Variants in SALL2 observed in about 807,000 individuals in gnomAD.
SALL2 encodes spalt like transcription factor 2.
A neutral mutation model predicts 58.5 loss-of-function variants in SALL2; 32 were observed. That is an observed-to-expected ratio of 0.55 (90% CI 0.41 to 0.74). The LOEUF (loss-of-function observed/expected upper bound fraction) is 0.74. Ranked by LOEUF, SALL2 falls within the 30% of genes least tolerant of loss-of-function variation. The pLI is 0.00. For missense variants in SALL2, 1,201 were observed against 1,268.9 expected (o/e 0.95, Z 0.81); for synonymous variants, 516 against 513.6 (o/e 1.00, Z -0.06).
chr14:21,522,189 C>G lies in SALL2; in HGVS notation c.*515G>C. The G allele has an allele frequency of 6.3e-7, 1 of 1,597,660 alleles. No homozygotes were observed. Among genetic ancestry groups the G allele is most frequent in the Non-Finnish European group, 8.5e-7 (1 of 1,179,604 alleles). On this transcript the variant is annotated 3_prime_UTR_variant, in exon 2 of 2. Transcript: ENST00000537235. ...GCTTGGAGTGGTAGTGGAGGTGGAGCTGGAATTCCAGGGCTTCATGGGCAG... is the reference window on the plus strand; with the variant it reads ...GCTTGGAGTGGTAGTGGAGGTGGAGGTGGAATTCCAGGGCTTCATGGGCAG...
Position 21,524,130 on chromosome 14 carries a change from C to T in SALL2, c.1592G>A (p.Gly531Asp). The T allele has an allele frequency of 6.2e-7, 1 of 1,613,070 alleles. No homozygotes were observed. ...TTCTGCCACTCCACTGATGGCTGAG[C>T]CCTCACTCCCTGGGGGGGTGTTTTC... is the stretch of plus-strand genomic sequence containing the variant. ...ADENTPPGSE[G>D]SAISGVAESS... The change falls in exon 2 of 2, where the codon GGC (glycine) becomes GAC (aspartate). Residue 531 changes from glycine to aspartate, a missense_variant. Gly to Asp is a moderately conservative substitution (Grantham distance 94, BLOSUM62 -1). Around this residue, in one of 3 missense-constraint regions of SALL2, gnomAD observed 675 missense variants for 683.8 expected, o/e 0.99. Transcript: ENST00000537235.
In SALL2 at chr14:21,523,055, T is replaced by C. The variant is rs1892107948; in HGVS notation, c.2667A>G (p.Val889=). ...PEGEATSVTL[V]EELSLQEAMR... Reference sequence around the variant, plus strand: ...TTGCCTCCTGCAGGCTCAGCTCCTCTACCAAGGTCACGCTGGTGGCTTCCC... The same window carrying C: ...TTGCCTCCTGCAGGCTCAGCTCCTCCACCAAGGTCACGCTGGTGGCTTCCC... Residue 889 remains valine (V), a synonymous_variant, in exon 2 of 2, where the codon GTA becomes GTG. Coordinates refer to ENST00000537235, the MANE Select transcript of SALL2 (RefSeq NM_001364564.1). The surrounding 1 kb of genome is among the most constrained non-coding windows in gnomAD (Gnocchi z 4.4). The C allele has an allele frequency of 1.2e-6, 2 of 1,614,154 alleles. No individual in the cohort carries two copies. Among genetic ancestry groups the C allele is most frequent in the African/African-American group, 1.3e-5 (1 of 75,046 alleles).
Position 21,523,253 on chromosome 14 carries a change from C to T in SALL2, c.2469G>A (p.Met823Ile), listed in dbSNP as rs1430504510. 1 of 1,613,702 alleles carries T rather than the reference C, an allele frequency of 6.2e-7. No individual in the cohort carries two copies. The highest frequency in any genetic ancestry group is 8.5e-7 in the Non-Finnish European group (1 of 1,180,034). Residue 823 changes from methionine to isoleucine, a missense_variant, in exon 2 of 2, where the codon ATG (methionine) becomes ATA (isoleucine). Met to Ile is a conservative substitution (Grantham distance 10, BLOSUM62 1). This residue lies in a region of SALL2 where 675 missense variants were observed against 683.8 expected (regional missense o/e 0.99). Transcript: ENST00000537235. This position sits in a 1 kb window ranked among gnomAD's most constrained non-coding sequence, Gnocchi z 4.4. The stretch of plus-strand genomic sequence containing the variant: ...GTTGAGTAGTTTTCTCATTACTGTC[C>T]ATCTCCTTCCCAGCTGTGGCTGCTG... Reference protein sequence around the residue: ...VAAAATAGKEMDSNEKTTQQS... With the variant: ...VAAAATAGKEIDSNEKTTQQS...
chr14:21,535,859 G>C (rs948309607), intron 1 of SALL2, among the ~76,000 whole-genome samples: 1 of 152,176 alleles, frequency 6.6e-6, no homozygotes, highest in African/African-American at 2.4e-5. Context: ...TTGATCCTAA[G>C]AATTACCTGG....
chr14:21,525,946 G>A lies in SALL2; in HGVS notation c.67+115C>T. On this transcript the variant is annotated intron_variant, in intron 1 of 1. Coordinates refer to ENST00000537235, the MANE Select transcript of SALL2 (RefSeq NM_001364564.1). The surrounding 1 kb of genome is among the most constrained non-coding windows in gnomAD (Gnocchi z 4.4). ...AGCGAGTTCACGGAATAGGTGTGGG[G>A]ACAGGGGCCTACGCAGAGAATCATG... 9.5e-7 allele frequency: 1 copy of A among 1,053,488 alleles called. No homozygotes were observed. Among genetic ancestry groups the A allele is most frequent in the Non-Finnish European group, 1.4e-6 (1 of 712,454 alleles). 65.3% of individuals were successfully genotyped at this position (1,053,488 alleles called of 1,614,324 possible).
At chr14:21,530,449 C>T (rs932124980), upstream of SALL2, among the ~76,000 whole-genome samples, 2 of 151,924 alleles carry the variant, frequency 1.3e-5, no homozygotes, top group East Asian at 1.9e-4. Context: ...CCACCAAGCC[C>T]GGCTAATTTT....
upstream of SALL2, among the ~76,000 whole-genome samples, chr14:21,528,928 A>G (rs1214933194): frequency 2.0e-5 from 3 of 152,178 alleles, no homozygotes; most frequent in Non-Finnish European, 4.4e-5. Flanking sequence ...TGTTTTGTCA[A>G]GTCTTCTGAC....
chr14:21,522,841 G>T lies in SALL2; in HGVS notation c.2881C>A (p.His961Asn), dbSNP rs1253177331. 2 of 1,610,786 alleles carry T rather than the reference G, an allele frequency of 1.2e-6. No individual in the cohort carries two copies. The highest frequency in any genetic ancestry group is 1.7e-6 in the Non-Finnish European group (2 of 1,178,570). Residue 961 changes from histidine to asparagine, a missense_variant, in exon 2 of 2, where the codon CAC becomes AAC. By Grantham distance (68) the His-to-Asn change is moderately conservative. Transcript: ENST00000537235. Reference protein sequence around the residue: ...ATLKKHMLLAHHQVQPFAPHG... With the variant: ...ATLKKHMLLANHQVQPFAPHG... ...GGGGCAAAGGGCTGTACCTGGTGGT[G>T]TGCCAGGAGCATATGCTTCTTGAGG...
At chr14:21,528,996 C>T (rs1892393013), upstream of SALL2, among the ~76,000 whole-genome samples, 2 of 152,190 alleles carry the variant, frequency 1.3e-5, no homozygotes, top group Non-Finnish European at 2.9e-5. Flanking sequence ...CCCTTTCTTG[C>T]TCTTTAATGA....
chr14:21,536,643 A>C (rs1892604235), intron 1 of SALL2, among the ~76,000 whole-genome samples: 1 of 152,242 alleles, frequency 6.6e-6, no homozygotes, highest in East Asian at 1.9e-4. Flanking sequence ...CAAGGAAAAC[A>C]CAAACAGAAT....
chr14:21,524,160 G>T lies in SALL2; in HGVS notation c.1562C>A (p.Ala521Asp). The change falls in exon 2 of 2, where the codon GCT becomes GAT. Residue 521 changes from alanine (A) to aspartate (D), a missense_variant. Transcript: ENST00000537235. ...ACTCCCTGGGGGGGTGTTTTCATCA[G>T]CTTTATTCTTGGGTTCCACTGCTTT... ...LMKAVEPKNK[A>D]DENTPPGSEG... The T allele has an allele frequency of 1.2e-6, 2 of 1,612,556 alleles. No individual in the cohort carries two copies. Among genetic ancestry groups the T allele is most frequent in the South Asian group, 1.1e-5 (1 of 90,810 alleles).
At position 21,522,755 on chromosome 14, in the gene SALL2, G is replaced by C; in HGVS notation, c.2967C>G (p.Thr989=). Residue 989 remains threonine (T), a synonymous_variant, in exon 2 of 2, where the codon ACC becomes ACG. Transcript: ENST00000537235. Reference sequence around the variant, plus strand: ...GGGGAAAGGGGGAGAGCCCTGTGGAGGTGATGGAAGGCGAACAGCCAGGGA... The same window carrying C: ...GGGGAAAGGGGGAGAGCCCTGTGGACGTGATGGAAGGCGAACAGCCAGGGA... ...SLVPGCSPSI[T]STGLSPFPRK... 1 of 1,560,860 alleles carries C rather than the reference G, an allele frequency of 6.4e-7. No individual in the cohort carries two copies. The highest frequency in any genetic ancestry group is 2.2e-5 in the East Asian group (1 of 44,548).
At position 21,523,010 on chromosome 14, in the gene SALL2, C is replaced by T. The variant is rs61736009; in HGVS notation, c.2712G>A (p.Glu904=). The change falls in exon 2 of 2, where the codon GAG becomes GAA. Residue 904 remains glutamate, a synonymous_variant. Coordinates refer to ENST00000537235, the MANE Select transcript of SALL2 (RefSeq NM_001364564.1). This position sits in a 1 kb window ranked among gnomAD's most constrained non-coding sequence, Gnocchi z 4.4. ...LQEAMRKEPG[E]SSSRKACEVC... ...CTTCGCAGGCCTTTCTGCTGCTGCTCTCTCCTGGCTCCTTTCTCATTGCCT... is the reference window on the plus strand; with the variant it reads ...CTTCGCAGGCCTTTCTGCTGCTGCTTTCTCCTGGCTCCTTTCTCATTGCCT... The T allele has an allele frequency of 1.2e-6, 2 of 1,614,118 alleles. No homozygotes were observed. Among genetic ancestry groups the T allele is most frequent in the East Asian group, 2.2e-5 (1 of 44,876 alleles).
rs1425736727 is a variant in SALL2 at position 21,526,043 on chromosome 14, C to G, written c.67+18G>C. 6.5e-7 allele frequency: 1 copy of G among 1,533,934 alleles called. No individual in the cohort carries two copies. The highest frequency in any genetic ancestry group is 1.2e-5 in the South Asian group (1 of 83,980). ...CCTCCGCCCCCACCCCTGCCCAGCC[C>G]GACCGACCCTACCGCACCTCCGAGC... On this transcript the variant is annotated intron_variant, in intron 1 of 1. Coordinates refer to ENST00000537235, the MANE Select transcript of SALL2 (RefSeq NM_001364564.1).
chr14:21,526,340 G>C lies in SALL2; in HGVS notation c.-213C>G. On this transcript the variant is annotated 5_prime_UTR_variant, in exon 1 of 2. Transcript: ENST00000537235. ...CTGGAGTGAGAAAGCGGGGAGAGGG[G>C]AGATCTGGGAGGAGCTGATGAGGAG... is the stretch of plus-strand genomic sequence containing the variant. The C allele has an allele frequency of 1.4e-6, 2 of 1,418,510 alleles. No individual in the cohort carries two copies. Among genetic ancestry groups the C allele is most frequent in the Non-Finnish European group, 1.8e-6 (2 of 1,089,656 alleles). The allele number at this position is 1,418,510 out of a possible 1,614,324, so 87.9% of individuals were successfully genotyped here.
At chr14:21,533,593 G>C (rs1018640481) in intron 1 of SALL2, among the ~76,000 whole-genome samples, 2 of 110,286 alleles carry the variant, frequency 1.8e-5, no homozygotes, top group African/African-American at 9.2e-5. Flanking sequence ...GTAGGGGAGA[G>C]AGAAGGTTTT....
upstream of SALL2, among the ~76,000 whole-genome samples, chr14:21,527,529 A>C (rs1892353960): frequency 6.6e-6 from 1 of 152,176 alleles, no homozygotes; most frequent in South Asian, 2.1e-4. Flanking sequence ...TTTTAATCCC[A>C]GTTCTATTCT....
upstream of SALL2, among the ~76,000 whole-genome samples, chr14:21,527,678 G>A (rs760969608): frequency 6.6e-6 from 1 of 152,042 alleles, no homozygotes; most frequent in Non-Finnish European, 1.5e-5. Context: ...TGAAAAATTG[G>A]ACAATATTAA....
Position 21,524,353 on chromosome 14 carries a change from C to G in SALL2, c.1369G>C (p.Glu457Gln), listed in dbSNP as rs772678109. Residue 457 changes from glutamate to glutamine, a missense_variant, in exon 2 of 2, where the codon GAG becomes CAG. Glu to Gln is a conservative substitution (Grantham distance 29). Coordinates refer to ENST00000537235, the MANE Select transcript of SALL2 (RefSeq NM_001364564.1). The stretch of plus-strand genomic sequence containing the variant: ...GTGGCTGCCTCCTCCTCGGCCTTCT[C>G]TGGTGGCACGGACATACCATAAGGC... ...GLPYGMSVPPEKAEEEAATPG... is the reference protein window; with the variant it reads ...GLPYGMSVPPQKAEEEAATPG... 1.9e-6 allele frequency: 3 copies of G among 1,614,174 alleles called. No homozygotes were observed. The highest frequency in any genetic ancestry group is 2.5e-6 in the Non-Finnish European group (3 of 1,180,028).
Sources: gnomAD v4.1 joint callset for allele counts (sites outside exome capture counted in the v4.1 genomes callset) on GRCh38, gnomAD v4.1.1 for gene constraint, gnomAD v4.1.1 regional missense constraint, Gnocchi (gnomAD v3.1) non-coding constraint, MANE v1.5 for transcripts, NCBI Gene and HGNC (gene_info 2026-07-23, HGNC 2026-07-21) for gene names.